WRN: variants seen among roughly 807,000 people sequenced by gnomAD.
WRN encodes the protein bifunctional 3'-5' exonuclease/ATP-dependent helicase WRN.
WRN carries 149 observed loss-of-function variants against 180.7 expected under a neutral mutation model. That is an observed-to-expected ratio of 0.82 (90% CI 0.72 to 0.94). The LOEUF (loss-of-function observed/expected upper bound fraction) is 0.94. Ranked by LOEUF, WRN falls within the 40% of genes least tolerant of loss-of-function variation. The probability of loss-of-function intolerance (pLI) is 0.00; values close to 1 mark genes in which losing one functional copy is unlikely to be tolerated. For missense variants in WRN, 1,661 were observed against 1,700.1 expected (o/e 0.98, Z 0.40); for synonymous variants, 548 against 568.9 (o/e 0.96, Z 0.52).
chr8:31,048,981 TTC>T (rs1297169456), intron 1 of WRN, among the ~76,000 whole-genome samples: 1 of 151,778 alleles, frequency 6.6e-6, no homozygotes, highest in Admixed American at 6.6e-5. Flanking sequence ...TAAATATAGT[TTC>T]TGCAGTATAG....
At chr8:31,126,160 CATT>C (rs1364402827) in intron 23 of WRN, among the ~76,000 whole-genome samples, 1 of 152,098 alleles carries the variant, frequency 6.6e-6, no homozygotes, top group Non-Finnish European at 1.5e-5. Flanking sequence ...TGCTGGATCT[CATT>C]GACCTTTTTA....
At position 31,143,624 on chromosome 8, in the gene WRN, G is replaced by T. The variant is rs1413656527; in HGVS notation, c.3383+1G>T. The T allele has an allele frequency of 1.3e-6, 2 of 1,576,388 alleles. No homozygotes were observed. The highest frequency in any genetic ancestry group is 1.7e-5 in the Admixed American group (1 of 59,756). On this transcript the variant is annotated splice_donor_variant, in intron 28 of 34. Coordinates refer to ENST00000298139, the MANE Select transcript of WRN (RefSeq NM_000553.6). LOFTEE classifies it high-confidence loss of function. ...CTGGGAGTAACATTTCTAAAAAAAG[G>T]TACAGAGTTCCATATTTCTATGTTC...
intron 15 of WRN, among the ~76,000 whole-genome samples, chr8:31,091,409 A>G (rs1046728592): frequency 6.6e-6 from 1 of 152,082 alleles, no homozygotes; most frequent in African/African-American, 2.4e-5. Flanking sequence ...ACTTGATCAA[A>G]TCAGGGCATT....
chr8:31,165,865 TA>T lies in WRN; in HGVS notation c.3983-1156del, dbSNP rs1803836031. On this transcript the variant is annotated intron_variant, in intron 33 of 34. Coordinates refer to ENST00000298139, the MANE Select transcript of WRN (RefSeq NM_000553.6). ...GGGAATTTTGATGATACTAGGATGA[TA>T]TAATGACCAAGAGACAAATACAATT... Among the ~76,000 whole-genome samples, 4 of 152,266 alleles carry T rather than the reference TA, an allele frequency of 2.6e-5. 1 individual carries two copies. The South Asian group carries it at 8.3e-4, about 32-fold the overall frequency.
At chr8:31,128,750 T>C (rs1436616362) in intron 23 of WRN, among the ~76,000 whole-genome samples, 3 of 152,102 alleles carry the variant, frequency 2.0e-5, no homozygotes, top group East Asian at 3.9e-4. Flanking sequence ...TCCCAGCTAC[T>C]CGGGAGGCTG....
rs142179585 is a variant in WRN, at chr8:31,060,577, A to G, written c.209+1312A>G. Among the ~76,000 whole-genome samples, 381 of 152,302 alleles carry G rather than the reference A, an allele frequency of 2.5e-3. 2 individuals are homozygous for G. Among genetic ancestry groups the G allele is most frequent in the African/African-American group, 8.3e-3 (343 of 41,572 alleles). ...AACAAACAAAAGGCAGAGGTAGGTT[A>G]AGCTATTTATTAATGGTCTTCTACT... On this transcript the variant is annotated intron_variant, in intron 3 of 34. Coordinates refer to ENST00000298139, the MANE Select transcript of WRN (RefSeq NM_000553.6).
chr8:31,098,478 T>C (rs1277902171), intron 17 of WRN, among the ~76,000 whole-genome samples: 1 of 152,206 alleles, frequency 6.6e-6, no homozygotes, highest in African/African-American at 2.4e-5. Context: ...CTGCAATTAT[T>C]AGAGCAGCGT....
At chr8:31,064,814 G>T in intron 4 of WRN, 101 bp from the exon 5 acceptor site, 1 of 1,358,678 alleles carries the variant, frequency 7.4e-7, no homozygotes, top group Non-Finnish European at 1.0e-6. Context: ...TAAAATTACT[G>T]TTAAATACAA....
chr8:31,065,047 A>C lies in WRN; in HGVS notation c.488A>C (p.Asp163Ala), dbSNP rs769495252. ...IKLKNFVELT[D>A]VANKKLKCTE... Reference sequence around the variant, plus strand: ...TTGAAGAATTTTGTGGAGTTGACAGATGTTGCCAATAAAAAGGTAAAAGCA... The same window carrying C: ...TTGAAGAATTTTGTGGAGTTGACAGCTGTTGCCAATAAAAAGGTAAAAGCA... The change falls in exon 5 of 35, where the codon GAT becomes GCT. Residue 163 changes from aspartate to alanine, a missense_variant. This residue lies in a region of WRN where 500 missense variants were observed against 504.1 expected (regional missense o/e 0.99). Coordinates refer to ENST00000298139, the MANE Select transcript of WRN (RefSeq NM_000553.6). 1 of 1,613,394 alleles carries C rather than the reference A, an allele frequency of 6.2e-7. No homozygotes were observed. The highest frequency in any genetic ancestry group is 8.5e-7 in the Non-Finnish European group (1 of 1,179,630).
rs183638882 is a variant in WRN, at chr8:31,103,594, C to T, written c.2088+2639C>T. Among the ~76,000 whole-genome samples, 250 of 152,160 alleles carry T rather than the reference C, an allele frequency of 1.6e-3. 1 individual carries two copies. The highest frequency in any genetic ancestry group is 1.7e-3 in the Non-Finnish European group (114 of 68,002). On this transcript the variant is annotated intron_variant, in intron 18 of 34. Coordinates refer to ENST00000298139, the MANE Select transcript of WRN (RefSeq NM_000553.6). The stretch of plus-strand genomic sequence containing the variant: ...GGTGGTCTGTTCCTTTTTATTATTA[C>T]AGAGTATTCCACAGTATGGTTGTAC...
chr8:31,125,535 G>GATATAT (rs1585491028), intron 23 of WRN, among the ~76,000 whole-genome samples: 1 of 21,836 alleles, frequency 4.6e-5, no homozygotes, highest in Non-Finnish European at 9.6e-5. Flanking sequence ...TGATATTATG[G>GATATAT]AGATATATAT....
At chr8:31,061,673 A>G (rs939198625) in intron 3 of WRN, among the ~76,000 whole-genome samples, 3 of 152,160 alleles carry the variant, frequency 2.0e-5, no homozygotes, top group African/African-American at 7.2e-5. Context: ...AAGCTTGATC[A>G]GGGAAAGTCT....
intron 34 of WRN, among the ~76,000 whole-genome samples, chr8:31,171,967 C>G (rs931764292): frequency 1.3e-5 from 2 of 152,128 alleles, no homozygotes; most frequent in Admixed American, 1.3e-4. Flanking sequence ...CAAATTAACT[C>G]TGGATTCCAG....
chr8:31,124,085 G>A lies in WRN; in HGVS notation c.2631-437G>A, dbSNP rs191006351. 3.9e-5 allele frequency among the ~76,000 whole-genome samples: 6 copies of A among 152,130 alleles called. No homozygotes were observed. The East Asian group carries it at 1.2e-3, about 29-fold the overall frequency. ...GGTTCAAATTTGAGCTTCTTTCAGTGTTCCTTACGTCAATGCTTTTAGTTT... is the reference window on the plus strand; with the variant it reads ...GGTTCAAATTTGAGCTTCTTTCAGTATTCCTTACGTCAATGCTTTTAGTTT... On this transcript the variant is annotated intron_variant, in intron 21 of 34. Coordinates refer to ENST00000298139, the MANE Select transcript of WRN (RefSeq NM_000553.6).
chr8:31,121,104 CATT>C (rs1046669373), intron 21 of WRN, among the ~76,000 whole-genome samples: 8 of 151,932 alleles, frequency 5.3e-5, no homozygotes, highest in African/African-American at 1.2e-4. Context: ...TAAAGGAAAA[CATT>C]ATCTTGCAAA....
chr8:31,050,480 C>A (rs1812040219), intron 1 of WRN, among the ~76,000 whole-genome samples: 1 of 151,642 alleles, frequency 6.6e-6, no homozygotes, highest in South Asian at 2.1e-4. Flanking sequence ...TGACATACTG[C>A]CCTCTCTTTG....
At chr8:31,172,563 A>G (rs995027428) in intron 34 of WRN, among the ~76,000 whole-genome samples, 1 of 152,214 alleles carries the variant, frequency 6.6e-6, no homozygotes, top group Non-Finnish European at 1.5e-5. Flanking sequence ...CTGTCTACCT[A>G]CCGTTGTAGA....
intron 11 of WRN, among the ~76,000 whole-genome samples, chr8:31,086,940 A>G (rs1024559646): frequency 1.3e-5 from 2 of 152,196 alleles, no homozygotes; most frequent in Non-Finnish European, 2.9e-5. Context: ...GGATGCCCAT[A>G]TTAGAGAACT....
In WRN at chr8:31,095,702, G is replaced by GGGTC. The variant is rs774460529; in HGVS notation, c.1899-1065_1899-1062dup. On this transcript the variant is annotated intron_variant, in intron 16 of 34. Transcript: ENST00000298139. ...AAAAATAAATTGACTACATATATGT[G>GGGTC]GGTCTATTGCTGCACTCTCTATTCT... is the stretch of plus-strand genomic sequence containing the variant. 3.2e-4 allele frequency among the ~76,000 whole-genome samples: 49 copies of GGGTC among 152,080 alleles called. 1 individual carries two copies. The highest frequency in any genetic ancestry group is 3.7e-4 in the Non-Finnish European group (25 of 68,000).
Sources: allele counts gnomAD v4.1 joint callset (sites outside exome capture counted in the v4.1 genomes callset), GRCh38; gene constraint gnomAD v4.1.1; regional missense constraint gnomAD v4.1.1; transcripts MANE v1.5; gene names NCBI Gene and HGNC (gene_info 2026-07-23, HGNC 2026-07-21).